The following SMYD3 variants were observed in gnomAD, a reference collection of about 807,000 sequenced individuals.
SMYD3 encodes the protein histone-lysine N-methyltransferase SMYD3.
Under a neutral mutation model 57.7 loss-of-function variants are expected in SMYD3, and 36 were observed. The ratio of observed to expected loss-of-function variants is 0.62; its 90% CI spans 0.48 to 0.82. SMYD3 has a LOEUF of 0.82. SMYD3 is among the 40% of genes least tolerant of loss of function. SMYD3 has a pLI of 0.00. For synonymous variants in SMYD3, 211 were observed against 195.0 expected (o/e 1.08, Z -0.68); for missense variants, 515 against 538.8 (o/e 0.96, Z 0.44).
At chr1:246,369,600 C>A (rs1286336022) in intron 1 of SMYD3, among the ~76,000 whole-genome samples, 1 of 152,100 alleles carries the variant, frequency 6.6e-6, no homozygotes, top group Non-Finnish European at 1.5e-5. Context: ...AAACACAGCT[C>A]ACTGAAGCCT....
At chr1:246,348,287 G>A (rs1401541148) in intron 2 of SMYD3, among the ~76,000 whole-genome samples, 1 of 151,502 alleles carries the variant, frequency 6.6e-6, no homozygotes, top group Admixed American at 6.6e-5. Flanking sequence ...ATGGTGGCAG[G>A]TGCCTGTAAT....
At chr1:246,370,267 A>G (rs2066172835) in intron 1 of SMYD3, among the ~76,000 whole-genome samples, 1 of 152,206 alleles carries the variant, frequency 6.6e-6, no homozygotes, top group African/African-American at 2.4e-5. Flanking sequence ...GATGGCAATC[A>G]AGAAAGGCAG....
At chr1:246,101,378 G>A (rs996576621) in intron 5 of SMYD3, among the ~76,000 whole-genome samples, 5 of 152,022 alleles carry the variant, frequency 3.3e-5, no homozygotes, top group African/African-American at 9.7e-5. Context: ...AGACTCGCCC[G>A]TTTATCTGCT....
At chr1:246,156,807 G>A (rs2062028961) in intron 5 of SMYD3, among the ~76,000 whole-genome samples, 1 of 152,220 alleles carries the variant, frequency 6.6e-6, no homozygotes, top group African/African-American at 2.4e-5. Context: ...AGCTGAATTT[G>A]AAGGCTGATG....
chr1:245,924,384 G>A (rs917242676), intron 7 of SMYD3, among the ~76,000 whole-genome samples: 2 of 152,092 alleles, frequency 1.3e-5, no homozygotes, highest in Non-Finnish European at 2.9e-5. Context: ...AAATAGCAAA[G>A]TATTATAAAT....
chr1:246,195,487 G>A (rs576233111), intron 5 of SMYD3, among the ~76,000 whole-genome samples: 2 of 152,192 alleles, frequency 1.3e-5, no homozygotes, highest in East Asian at 3.9e-4. Flanking sequence ...ACATCATTCT[G>A]TCAGTTTCAG....
At chr1:246,236,944 T>C (rs1289079835) in intron 5 of SMYD3, among the ~76,000 whole-genome samples, 1 of 152,174 alleles carries the variant, frequency 6.6e-6, no homozygotes, top group East Asian at 1.9e-4. Flanking sequence ...GCTCACTGTT[T>C]CTCCATTCCT....
chr1:246,000,218 G>A (rs1050864991), intron 5 of SMYD3, among the ~76,000 whole-genome samples: 5 of 152,238 alleles, frequency 3.3e-5, no homozygotes, highest in Non-Finnish European at 5.9e-5. Flanking sequence ...ACAGCTACTC[G>A]GCTCCTTGTG....
chr1:246,189,511 C>A (rs754814560), intron 5 of SMYD3, among the ~76,000 whole-genome samples: 2 of 152,032 alleles, frequency 1.3e-5, no homozygotes, highest in Non-Finnish European at 2.9e-5. Flanking sequence ...AATACATACT[C>A]CTATAACAAG....
chr1:245,773,076 G>A (rs1273840601), intron 10 of SMYD3, among the ~76,000 whole-genome samples: 1 of 145,518 alleles, frequency 6.9e-6, no homozygotes, highest in East Asian at 2.1e-4. Context: ...TGGGTTGGGG[G>A]TGGGGAGAAT....
rs140948310 is a variant in SMYD3 at position 246,204,615 on chromosome 1, A to T, written c.531+122586T>A. Among the ~76,000 whole-genome samples, 296 of 152,350 alleles carry T rather than the reference A, an allele frequency of 1.9e-3. 2 individuals carry two copies. The highest frequency in any genetic ancestry group is 6.8e-3 in the African/African-American group (282 of 41,590). ...CACTGGTTTAGCAAGATTCTGGACCATCATGTCACATATATACTCTTACAT... is the reference window on the plus strand; with the variant it reads ...CACTGGTTTAGCAAGATTCTGGACCTTCATGTCACATATATACTCTTACAT... On this transcript the variant is annotated intron_variant, in intron 5 of 11. Transcript: ENST00000490107.
chr1:246,123,571 A>AACACACACACACACACACACACACACAC (rs557543331), intron 5 of SMYD3, among the ~76,000 whole-genome samples: 1 of 129,488 alleles, frequency 7.7e-6, no homozygotes, highest in Non-Finnish European at 1.6e-5. Context: ...TCCATCTCAA[A>AACACACACACACACACACACACACACAC]ACACACACAC....
At chr1:246,371,846 G>C (rs1055672851) in intron 1 of SMYD3, among the ~76,000 whole-genome samples, 1 of 152,154 alleles carries the variant, frequency 6.6e-6, no homozygotes, top group African/African-American at 2.4e-5. Context: ...AATTGGAGTC[G>C]TTTGTTCATT....
chr1:246,217,188 G>C, intron 5 of SMYD3, among the ~76,000 whole-genome samples: 1 of 152,080 alleles, frequency 6.6e-6, no homozygotes, highest in South Asian at 2.1e-4. Flanking sequence ...ACCTGAGCAG[G>C]ATCCAAGGTT....
intron 2 of SMYD3, among the ~76,000 whole-genome samples, chr1:246,342,302 T>C (rs1422463914): frequency 2.6e-5 from 4 of 152,112 alleles, no homozygotes; most frequent in Non-Finnish European, 4.4e-5. Context: ...TCTACAGAGG[T>C]TTCCTATGGG....
chr1:246,413,434 C>T (rs887875529), intron 1 of SMYD3, among the ~76,000 whole-genome samples: 1 of 152,068 alleles, frequency 6.6e-6, no homozygotes, highest in Non-Finnish European at 1.5e-5. Flanking sequence ...ATCACAACAG[C>T]GCTATTCCCA....
chr1:246,408,991 T>G (rs1271806095), intron 1 of SMYD3, among the ~76,000 whole-genome samples: 1 of 151,194 alleles, frequency 6.6e-6, no homozygotes, highest in Admixed American at 6.6e-5. Flanking sequence ...GTATAAAACC[T>G]TAAGGTTCAT....
At chr1:246,373,507 T>C (rs577647748) in intron 1 of SMYD3, among the ~76,000 whole-genome samples, 5 of 152,192 alleles carry the variant, frequency 3.3e-5, no homozygotes, top group Non-Finnish European at 7.4e-5. Context: ...ATTTCTTAGT[T>C]TTTGATAACA....
chr1:246,386,110 G>T (rs533956765), intron 1 of SMYD3, among the ~76,000 whole-genome samples: 4 of 152,066 alleles, frequency 2.6e-5, no homozygotes, highest in Non-Finnish European at 4.4e-5. Context: ...GGATGGTCTC[G>T]ATCTCCTGAC....
Sources: allele counts gnomAD v4.1 joint callset (sites outside exome capture counted in the v4.1 genomes callset), GRCh38; gene constraint gnomAD v4.1.1; transcripts MANE v1.5; gene names NCBI Gene and HGNC (gene_info 2026-07-23, HGNC 2026-07-21).